The following SPAG6 variants were observed in gnomAD, a reference collection of about 807,000 sequenced individuals.
SPAG6 encodes the protein sperm associated antigen 6, also known as sperm-associated antigen 6.
SPAG6 carries 49 observed loss-of-function variants against 58.5 expected under a neutral mutation model. That is an observed-to-expected ratio of 0.84 (90% confidence interval 0.67 to 1.06). The LOEUF is 1.06. Among genes scored for constraint, SPAG6 ranks in the 50% least tolerant of loss-of-function variants. SPAG6 has a pLI of 0.00. For synonymous variants in SPAG6, 233 were observed against 225.6 expected (o/e 1.03, Z -0.29); for missense variants, 560 against 611.3 (o/e 0.92, Z 0.89).
chr10:22,346,683 T>G (rs1836568186), intron 2 of SPAG6, among the ~76,000 whole-genome samples: 1 of 152,130 alleles, frequency 6.6e-6, no homozygotes, highest in Non-Finnish European at 1.5e-5. Context: ...ATTAACATGT[T>G]GACAGCAAGA....
intron 4 of SPAG6, among the ~76,000 whole-genome samples, chr10:22,374,775 C>CA (rs932175331): frequency 1.1e-3 from 155 of 136,826 alleles, no homozygotes; most frequent in Middle Eastern, 3.7e-3. Context: ...GACCCTGTCT[C>CA]AAAAAAAAAA....
At chr10:22,395,711 A>G (rs562390247) in intron 8 of SPAG6, among the ~76,000 whole-genome samples, 2 of 152,346 alleles carry the variant, frequency 1.3e-5, no homozygotes, top group African/African-American at 4.8e-5. Context: ...TCTGCAGCAC[A>G]AAAGTTTTAA....
chr10:22,387,920 G>T lies in SPAG6; in HGVS notation c.776G>T (p.Cys259Phe). The part of the protein sequence containing the change: ...EAEIFPVVLT[C>F]LKDKDEYVKK... ...GAGATTTTTCCAGTTGTACTTACCT[G>T]TCTGAAGGACAAGGATGAATACGTG... Residue 259 changes from cysteine (C) to phenylalanine (F), a missense_variant, in exon 6 of 11, where the codon TGT becomes TTT. Cys to Phe is a radical substitution (Grantham distance 205). Transcript: ENST00000376624. 1 of 1,613,166 alleles carries T rather than the reference G, an allele frequency of 6.2e-7. No homozygotes were observed. Among genetic ancestry groups the T allele is most frequent in the South Asian group, 1.1e-5 (1 of 91,006 alleles).
At chr10:22,384,351 T>C (rs1834021315) in intron 4 of SPAG6, among the ~76,000 whole-genome samples, 1 of 152,196 alleles carries the variant, frequency 6.6e-6, no homozygotes, top group Non-Finnish European at 1.5e-5. Flanking sequence ...TAGCTGACGA[T>C]GGCTATCGGG....
Position 22,413,688 on chromosome 10 carries a change from G to GATAT in SPAG6, c.1460+2529_1460+2532dup, listed in dbSNP as rs59765652. Among the ~76,000 whole-genome samples the GATAT allele has an allele frequency of 2.0e-4, 28 of 141,632 alleles. 2 individuals carry two copies. The highest frequency in any genetic ancestry group is 3.5e-3 in the Middle Eastern group (1 of 282). The allele number at this position is 141,632 out of a possible 152,430, so 92.9% of individuals were successfully genotyped here. ...ACCTGACTAATGTTTTCAAATTTCT[G>GATAT]ATATATATATATATATATATTTCAC... On this transcript the variant is annotated intron_variant, in intron 10 of 10. Coordinates refer to ENST00000376624, the MANE Select transcript of SPAG6 (RefSeq NM_012443.4).
intron 6 of SPAG6, 29 bp from the exon 7 acceptor site, chr10:22,389,131 G>C: frequency 6.2e-7 from 1 of 1,604,110 alleles, no homozygotes; most frequent in Non-Finnish European, 8.5e-7. Flanking sequence ...TAGGGTCCTG[G>C]TGATCTAACT....
At chr10:22,360,814 A>G (rs1837012854) in intron 2 of SPAG6, 2 of 1,534,428 alleles carry the variant, frequency 1.3e-6, no homozygotes, top group Non-Finnish European at 1.7e-6. Context: ...TGTGAACTCT[A>G]AATTTCCATG....
At chr10:22,358,170 A>G (rs1163680920) in intron 2 of SPAG6, among the ~76,000 whole-genome samples, 1 of 152,186 alleles carries the variant, frequency 6.6e-6, no homozygotes, top group Non-Finnish European at 1.5e-5. Flanking sequence ...ACTGACTTCA[A>G]CAATGGTTGA....
chr10:22,385,497 G>A (rs1389257115), intron 4 of SPAG6, among the ~76,000 whole-genome samples: 2 of 152,142 alleles, frequency 1.3e-5, no homozygotes, highest in African/African-American at 2.4e-5. Context: ...CTTTGCCAAC[G>A]AATGTAGTGG....
intron 2 of SPAG6, among the ~76,000 whole-genome samples, chr10:22,346,467 TTC>T (rs1166679309): frequency 7.1e-6 from 1 of 141,328 alleles, no homozygotes; most frequent in African/African-American, 3.1e-5. Flanking sequence ...CTTCTTCTTC[TTC>T]TTCTTCTTCT....
At chr10:22,395,326 G>A (rs1411865257) in intron 8 of SPAG6, among the ~76,000 whole-genome samples, 2 of 152,114 alleles carry the variant, frequency 1.3e-5, no homozygotes, top group African/African-American at 4.8e-5. Flanking sequence ...CTGCCCAACT[G>A]TTTTCCATTG....
rs150722421 is a variant in SPAG6 at position 22,376,712 on chromosome 10, A to C, written c.472+8034A>C. On this transcript the variant is annotated intron_variant, in intron 4 of 10. Transcript: ENST00000376624. ...TGTCCTGGTTTTCAGACCCTTGTTT[A>C]GTCTTCTCCTGTCTTATACCAGGGC... Among the ~76,000 whole-genome samples, 6 of 152,078 alleles carry C rather than the reference A, an allele frequency of 3.9e-5. No individual in the cohort carries two copies. In the East Asian group the frequency reaches 1.2e-3, roughly 29 times the overall value.
Position 22,411,115 on chromosome 10 carries a change from G to C in SPAG6, c.1399G>C (p.Gly467Arg). Residue 467 changes from glycine to arginine, a missense_variant, in exon 10 of 11, where the codon GGT becomes CGT. Gly to Arg is a moderately radical substitution (Grantham distance 125, BLOSUM62 -2). Transcript: ENST00000376624. ...AGTTCAAGAGATAAAAGCAGAACCT[G>C]GTTCTCTCCTTCAAGAATACATCAA... is the stretch of plus-strand genomic sequence containing the variant. ...KKVQEIKAEP[G>R]SLLQEYINSI... 1 of 1,613,882 alleles carries C rather than the reference G, an allele frequency of 6.2e-7. No individual in the cohort carries two copies. Among genetic ancestry groups the C allele is most frequent in the Non-Finnish European group, 8.5e-7 (1 of 1,179,830 alleles).
chr10:22,396,872 A>C (rs747348428), intron 8 of SPAG6, among the ~76,000 whole-genome samples: 1 of 152,194 alleles, frequency 6.6e-6, no homozygotes, highest in Non-Finnish European at 1.5e-5. Flanking sequence ...CCCTCAATAG[A>C]TAGCCCAGGA....
chr10:22,384,112 C>G (rs368319255), intron 4 of SPAG6, among the ~76,000 whole-genome samples: 2 of 152,248 alleles, frequency 1.3e-5, no homozygotes, highest in Admixed American at 1.3e-4. Flanking sequence ...CATGGAGTAC[C>G]CAGATGTTTT....
chr10:22,387,584 AATAG>A (rs548487920), intron 5 of SPAG6, among the ~76,000 whole-genome samples: 134 of 152,280 alleles, frequency 8.8e-4, no homozygotes, highest in African/African-American at 3.1e-3. Flanking sequence ...AATCATCTGT[AATAG>A]ATAGAGTTTC....
chr10:22,386,435 A>C (rs780472178), intron 4 of SPAG6, among the ~76,000 whole-genome samples: 5 of 152,080 alleles, frequency 3.3e-5, no homozygotes, highest in Non-Finnish European at 7.4e-5. Context: ...TCTATTGAGA[A>C]GTGCAGAATT....
At chr10:22,390,662 CT>C (rs1336674181) in intron 7 of SPAG6, among the ~76,000 whole-genome samples, 1 of 152,194 alleles carries the variant, frequency 6.6e-6, no homozygotes, top group African/African-American at 2.4e-5. Flanking sequence ...GAGGCACTGT[CT>C]CCTTTTCCTC....
rs1216457701 is a variant in SPAG6 at position 22,345,917 on chromosome 10, G to A, written c.121+99G>A. The stretch of plus-strand genomic sequence containing the variant: ...CGTGGAGCTCTTGGGGAGCCGCAGT[G>A]TGGGGACCGGAGTTCGCAAAAGCAT... On this transcript the variant is annotated intron_variant, in intron 2 of 10. Coordinates refer to ENST00000376624, the MANE Select transcript of SPAG6 (RefSeq NM_012443.4). The surrounding 1 kb of genome is among the most constrained non-coding windows in gnomAD (Gnocchi z 6.3). 1.9e-6 allele frequency: 3 copies of A among 1,573,086 alleles called. No homozygotes were observed. The African/African-American group carries it at 4.1e-5, about 21-fold the overall frequency.
Sources: allele counts gnomAD v4.1 joint callset (sites outside exome capture counted in the v4.1 genomes callset), GRCh38; gene constraint gnomAD v4.1.1; non-coding constraint Gnocchi (gnomAD v3.1); transcripts MANE v1.5; gene names NCBI Gene and HGNC (gene_info 2026-07-23, HGNC 2026-07-21).